COL26A1: variants seen among roughly 807,000 people sequenced by gnomAD.
The protein encoded by COL26A1 is collagen alpha-1(XXVI) chain.
A neutral mutation model predicts 59.3 loss-of-function variants in COL26A1; 41 were observed. The observed-to-expected ratio is 0.69, with a 90% CI of 0.54 to 0.90. The LOEUF (loss-of-function observed/expected upper bound fraction) is 0.90. COL26A1 is among the 40% of genes least tolerant of loss of function. COL26A1 has a pLI of 0.00. For missense variants in COL26A1, 612 were observed against 602.3 expected, an observed-to-expected ratio of 1.02 and a Z score of -0.17; for synonymous variants, 266 against 256.0, an observed-to-expected ratio of 1.04 and a Z score of -0.37.
At chr7:101,525,171 C>CTTT (rs34881584) in intron 3 of COL26A1, among the ~76,000 whole-genome samples, 17 of 73,902 alleles carry the variant, frequency 2.3e-4, no homozygotes, top group African/African-American at 5.0e-4. Flanking sequence ...TGACTTCATT[C>CTTT]TTTTTTTTTT....
intron 4 of COL26A1, among the ~76,000 whole-genome samples, chr7:101,537,300 C>A (rs1306506538): frequency 6.6e-6 from 1 of 152,178 alleles, no homozygotes; most frequent in Non-Finnish European, 1.5e-5. Flanking sequence ...CTGCCCCGGG[C>A]TTTACTCTCT....
At chr7:101,452,190 C>A (rs1489876939) in intron 3 of COL26A1, among the ~76,000 whole-genome samples, 1 of 152,002 alleles carries the variant, frequency 6.6e-6, no homozygotes, top group African/African-American at 2.4e-5. Context: ...AGCTTTTTGC[C>A]CTATTTCCAC....
chr7:101,490,824 C>T (rs563807000), intron 3 of COL26A1, among the ~76,000 whole-genome samples: 4 of 152,092 alleles, frequency 2.6e-5, no homozygotes, highest in South Asian at 2.1e-4. Context: ...CATGGTGAAA[C>T]GCTGTCTCTA....
intron 3 of COL26A1, among the ~76,000 whole-genome samples, chr7:101,452,314 G>C (rs937945507): frequency 6.6e-6 from 1 of 152,168 alleles, no homozygotes; most frequent in Non-Finnish European, 1.5e-5. Context: ...TCACCACCAA[G>C]TAGGTTCATG....
chr7:101,557,387 G>A lies in COL26A1; in HGVS notation c.1183G>A (p.Glu395Lys). 1 of 1,613,462 alleles carries A rather than the reference G, an allele frequency of 6.2e-7. No individual in the cohort carries two copies. The highest frequency in any genetic ancestry group is 8.5e-7 in the Non-Finnish European group (1 of 1,179,556). Residue 395 changes from glutamate to lysine, a missense_variant, in exon 13 of 13, where the codon GAG (glutamate) becomes AAG (lysine). By Grantham distance (56) the Glu-to-Lys change is moderately conservative. Transcript: ENST00000313669. ...CCTTCCAGATCCCCTGGCCTCCCCAGAGGGAGGTTCTGGCCAGGATGCTGC... is the reference window on the plus strand; with the variant it reads ...CCTTCCAGATCCCCTGGCCTCCCCAAAGGGAGGTTCTGGCCAGGATGCTGC... ...IGIHDPLASPEGGSGQDAALR... is the reference protein window; with the variant it reads ...IGIHDPLASPKGGSGQDAALR...
chr7:101,525,171 CTTTTTTTTTTTTTT>C (rs34881584), intron 3 of COL26A1, among the ~76,000 whole-genome samples: 2 of 73,904 alleles, frequency 2.7e-5, no homozygotes, highest in East Asian at 7.2e-4. Flanking sequence ...TGACTTCATT[CTTTTTTTTTTTTTT>C]TTTTTTTTTT....
At chr7:101,362,567 A>T (rs1379970256), upstream of COL26A1, among the ~76,000 whole-genome samples, 1 of 152,188 alleles carries the variant, frequency 6.6e-6, no homozygotes, top group Non-Finnish European at 1.5e-5. Flanking sequence ...CAGTGTGGCG[A>T]GGATTCACCA....
intron 3 of COL26A1, among the ~76,000 whole-genome samples, chr7:101,487,617 C>T (rs929289607): frequency 1.3e-5 from 2 of 152,176 alleles, no homozygotes; most frequent in East Asian, 1.9e-4. Context: ...GTCCAGGACT[C>T]TCCTCCCACC....
intron 3 of COL26A1, among the ~76,000 whole-genome samples, chr7:101,489,656 TCTTTCTTC>T (rs1196823880): frequency 7.4e-5 from 5 of 67,434 alleles, no homozygotes; most frequent in South Asian, 4.8e-4. Flanking sequence ...TTTCTTTCTT[TCTTTCTTC>T]CTTCCTTCCT....
intron 3 of COL26A1, among the ~76,000 whole-genome samples, chr7:101,512,454 T>TA (rs1276012544): frequency 9.4e-5 from 11 of 116,912 alleles, no homozygotes; most frequent in African/African-American, 3.5e-4. Flanking sequence ...GCCCTGTCTC[T>TA]ACAAAAAAAT....
chr7:101,518,531 C>T (rs1795077575), intron 3 of COL26A1, among the ~76,000 whole-genome samples: 1 of 152,256 alleles, frequency 6.6e-6, no homozygotes, highest in Admixed American at 6.5e-5. Flanking sequence ...TCCCCCTGCA[C>T]TTGGTGTCAT....
At chr7:101,393,403 G>A (rs771998270) in intron 1 of COL26A1, among the ~76,000 whole-genome samples, 6 of 152,124 alleles carry the variant, frequency 3.9e-5, no homozygotes, top group Non-Finnish European at 7.4e-5. Context: ...TCCAGCACGG[G>A]AGAAAGATGT....
intron 4 of COL26A1, among the ~76,000 whole-genome samples, chr7:101,534,808 CA>C (rs1342896708): frequency 9.9e-5 from 15 of 151,542 alleles, no homozygotes; most frequent in African/African-American, 3.2e-4. Flanking sequence ...CACCACCCGC[CA>C]GCTGGGTGAC....
At chr7:101,465,034 CTT>C (rs112899121) in intron 3 of COL26A1, among the ~76,000 whole-genome samples, 4,581 of 129,954 alleles carry the variant, frequency 0.035, 210 homozygotes, top group African/African-American at 0.12. Flanking sequence ...TTCTTTCTTT[CTT>C]TTTTTTTTTT....
chr7:101,461,324 G>A (rs1793605973), intron 3 of COL26A1, among the ~76,000 whole-genome samples: 1 of 149,588 alleles, frequency 6.7e-6, no homozygotes, highest in African/African-American at 2.5e-5. Flanking sequence ...TTTTGACGGA[G>A]TTTCGCTGTT....
intron 9 of COL26A1, among the ~76,000 whole-genome samples, chr7:101,549,735 T>C (rs924511850): frequency 6.6e-6 from 1 of 152,224 alleles, no homozygotes; most frequent in African/African-American, 2.4e-5. Flanking sequence ...ATCCTCCTCC[T>C]GTTATGCCAG....
intron 4 of COL26A1, among the ~76,000 whole-genome samples, chr7:101,539,278 C>CTGTG (rs771877127): frequency 7.0e-6 from 1 of 142,250 alleles, no homozygotes; most frequent in Non-Finnish European, 1.5e-5. Flanking sequence ...CCTTTTCTGT[C>CTGTG]TGTGTGTGTG....
chr7:101,489,931 CTCTCTT>C (rs1311665619), intron 3 of COL26A1, among the ~76,000 whole-genome samples: 3 of 87,868 alleles, frequency 3.4e-5, no homozygotes, highest in African/African-American at 9.6e-5. Flanking sequence ...GTCTCTCTCT[CTCTCTT>C]TCTTTCTTTC....
chr7:101,553,619 TG>T (rs1158376834), intron 11 of COL26A1, among the ~76,000 whole-genome samples: 3 of 151,980 alleles, frequency 2.0e-5, no homozygotes, highest in African/African-American at 7.3e-5. Context: ...AGGGGGTGAT[TG>T]GCCCTTGGGG....
Sources: gnomAD v4.1 joint callset for allele counts (sites outside exome capture counted in the v4.1 genomes callset) on GRCh38, gnomAD v4.1.1 for gene constraint, MANE v1.5 for transcripts, NCBI Gene and HGNC (gene_info 2026-07-23, HGNC 2026-07-21) for gene names.